The following SGO2 variants were observed in gnomAD, a reference collection of about 807,000 sequenced individuals.
SGO2 encodes the protein shugoshin 2.
SGO2 carries 68 observed loss-of-function variants against 99.5 expected under a neutral mutation model. That is an observed-to-expected ratio of 0.68 (90% CI 0.56 to 0.84). The LOEUF is 0.84. Ranked by LOEUF, SGO2 falls within the 40% of genes least tolerant of loss-of-function variation. The pLI is 0.00. For missense variants in SGO2, 1,350 were observed against 1,436.7 expected (o/e 0.94, Z 0.97); for synonymous variants, 457 against 487.1 (o/e 0.94, Z 0.81).
At chr2:200,560,732 A>G (rs1011042029) in intron 5 of SGO2, among the ~76,000 whole-genome samples, 8 of 152,290 alleles carry the variant, frequency 5.3e-5, no homozygotes, top group East Asian at 1.9e-4. Context: ...TTTTCTTACA[A>G]AAACCATTGA....
At chr2:200,565,354 G>A (rs2106337322) in intron 5 of SGO2, among the ~76,000 whole-genome samples, 1 of 152,302 alleles carries the variant, frequency 6.6e-6, no homozygotes, top group Admixed American at 6.5e-5. Context: ...ATTCTGGGTT[G>A]AAAATTCTTT....
intron 8 of SGO2, chr2:200,580,545 T>C (rs371287056): frequency 6.8e-5 from 29 of 423,762 alleles, no homozygotes; most frequent in African/African-American, 6.0e-4. Flanking sequence ...ATAACAGTGT[T>C]TTATGGACAG....
chr2:200,582,165 T>C (rs369469376), intron 8 of SGO2, among the ~76,000 whole-genome samples: 116 of 152,290 alleles, frequency 7.6e-4, no homozygotes, highest in African/African-American at 2.7e-3. Flanking sequence ...ATACCTTGAA[T>C]GCATTTCTTA....
intron 5 of SGO2, among the ~76,000 whole-genome samples, chr2:200,555,434 G>A (rs1396727225): frequency 6.6e-6 from 1 of 152,084 alleles, no homozygotes; most frequent in Non-Finnish European, 1.5e-5. Flanking sequence ...CCCAAATTAA[G>A]GGTCCCATTT....
Position 200,572,141 on chromosome 2 carries a change from A to G in SGO2, c.1795A>G (p.Ile599Val), listed in dbSNP as rs2033452057. 3 of 1,612,806 alleles carry G rather than the reference A, an allele frequency of 1.9e-6. No individual in the cohort carries two copies. Among genetic ancestry groups the G allele is most frequent in the East Asian group, 2.2e-5 (1 of 44,852 alleles). ...GGATTTGAAAAAGTATGTCACTGAT[A>G]TTCAACCCTCAGAGCAAAATGAATC... ...ILDLKKYVTD[I>V]QPSEQNESNI... The change falls in exon 7 of 9, where the codon ATT (isoleucine) becomes GTT (valine). Residue 599 changes from isoleucine to valine, a missense_variant. Ile to Val is a conservative substitution (Grantham distance 29). Transcript: ENST00000357799.
rs1229702628 is a variant in SGO2, at chr2:200,536,094, C to T, written c.339C>T (p.Leu113=). ...AGAAGCTTATAGACATAGAAGCTCT[C>T]ATGAACAATAACTTGATAACTGCAA... is the stretch of plus-strand genomic sequence containing the variant. The part of the protein sequence containing the change: ...LNKKLIDIEA[L]MNNNLITAIE... The change falls in exon 4 of 9, where the codon CTC becomes CTT. Residue 113 remains leucine, a synonymous_variant. Transcript: ENST00000357799. The T allele has an allele frequency of 3.1e-6, 5 of 1,593,530 alleles. No homozygotes were observed. Among genetic ancestry groups the T allele is most frequent in the Non-Finnish European group, 4.3e-6 (5 of 1,166,700 alleles).
rs1208062700 is a variant in SGO2 at position 200,573,925 on chromosome 2, G to T, written c.3579G>T (p.Lys1193Asn). 3 of 1,603,498 alleles carry T rather than the reference G, an allele frequency of 1.9e-6. No homozygotes were observed. Among genetic ancestry groups the T allele is most frequent in the Non-Finnish European group, 2.5e-6 (3 of 1,177,028 alleles). Reference protein sequence around the residue: ...AFQVSDDEHEKMNKMKFKVNR... With the variant: ...AFQVSDDEHENMNKMKFKVNR... ...AAGTAAGTGATGATGAGCATGAGAA[G>T]ATGAACAAGATGAAATTTAAAGTCA... is the stretch of plus-strand genomic sequence containing the variant. Residue 1193 changes from lysine (K) to asparagine (N), a missense_variant, in exon 7 of 9, where the codon AAG becomes AAT. Physicochemically the swap from Lys to Asn is moderately conservative, Grantham distance 94 (BLOSUM62 0). Coordinates refer to ENST00000357799, the MANE Select transcript of SGO2 (RefSeq NM_152524.6).
At position 200,571,053 on chromosome 2, in the gene SGO2, G is replaced by A; in HGVS notation, c.707G>A (p.Ser236Asn). The change falls in exon 7 of 9, where the codon AGC becomes AAC. Residue 236 changes from serine to asparagine, a missense_variant. By Grantham distance (46) the Ser-to-Asn change is conservative (BLOSUM62 1). Transcript: ENST00000357799. ...SSIVDVPPRE[S>N]HSHSDQSSKT... The stretch of plus-strand genomic sequence containing the variant: ...TTTGTTTTCCTTTTCTTAATAGAAA[G>A]CCATTCCCACTCAGACCAAAGTTCT... 2 of 1,545,114 alleles carry A rather than the reference G, an allele frequency of 1.3e-6. No homozygotes were observed. Among genetic ancestry groups the A allele is most frequent in the Non-Finnish European group, 1.7e-6 (2 of 1,148,282 alleles).
rs187422598 is a variant in SGO2, at chr2:200,570,418, G to T, written c.703+526G>T. Among the ~76,000 whole-genome samples, 3 of 151,626 alleles carry T rather than the reference G, an allele frequency of 2.0e-5. No homozygotes were observed. In the East Asian group the frequency reaches 5.8e-4, roughly 29 times the overall value. The stretch of plus-strand genomic sequence containing the variant: ...CAGATTTGCCATAGATTTTCAGACT[G>T]GGATATGGAACTATAACAATTTTGA... On this transcript the variant is annotated intron_variant, in intron 6 of 8. Coordinates refer to ENST00000357799, the MANE Select transcript of SGO2 (RefSeq NM_152524.6). The surrounding 1 kb of genome is among the most constrained non-coding windows in gnomAD (Gnocchi z 4.4).
rs71022323 is a variant in SGO2, at chr2:200,570,478, ATGTGTGTG to A, written c.704-547_704-540del. On this transcript the variant is annotated intron_variant, in intron 6 of 8. Coordinates refer to ENST00000357799, the MANE Select transcript of SGO2 (RefSeq NM_152524.6). The surrounding 1 kb of genome is among the most constrained non-coding windows in gnomAD (Gnocchi z 4.4). ...TTAGAATTGTTTTTCCTTTCTGAAA[ATGTGTGTG>A]TGTGTGTGTGTGTGTGTGTGTGTGG... is the stretch of plus-strand genomic sequence containing the variant. Among the ~76,000 whole-genome samples the A allele has an allele frequency of 1.5e-4, 22 of 142,760 alleles. No individual in the cohort carries two copies. Among genetic ancestry groups the A allele is most frequent in the South Asian group, 6.8e-4 (3 of 4,414 alleles). The allele number at this position is 142,760 out of a possible 152,430, so 93.7% of individuals were successfully genotyped here. A position where few individuals can be genotyped will look rare whatever the true frequency, so the allele number is the denominator to read the frequency against.
chr2:200,529,753 C>G (rs1363992806), intron 1 of SGO2, among the ~76,000 whole-genome samples: 1 of 152,132 alleles, frequency 6.6e-6, no homozygotes, highest in Non-Finnish European at 1.5e-5. Flanking sequence ...GTCTCGAACT[C>G]CTGACCTCAG....
At position 200,526,531 on chromosome 2, in the gene SGO2, G is replaced by A. The variant is rs887458216; in HGVS notation, c.-3+279G>A. Among the ~76,000 whole-genome samples, 2 of 152,302 alleles carry A rather than the reference G, an allele frequency of 1.3e-5. No individual in the cohort carries two copies. The highest frequency in any genetic ancestry group is 4.1e-4 in the South Asian group (2 of 4,820). On this transcript the variant is annotated intron_variant, in intron 1 of 8. Coordinates refer to ENST00000357799, the MANE Select transcript of SGO2 (RefSeq NM_152524.6). The surrounding 1 kb of genome is among the most constrained non-coding windows in gnomAD (Gnocchi z 4.8). ...CAGTTAGGTCAGCTACTTAAGGGAA[G>A]ATATTTCTGTCTCTGGGACTGCTCT... is the stretch of plus-strand genomic sequence containing the variant.
Position 200,572,561 on chromosome 2 carries a change from G to A in SGO2, c.2215G>A (p.Val739Ile), listed in dbSNP as rs1390970671. The change falls in exon 7 of 9, where the codon GTT becomes ATT. Residue 739 changes from valine to isoleucine, a missense_variant. Val to Ile is a conservative substitution (Grantham distance 29, BLOSUM62 3). Coordinates refer to ENST00000357799, the MANE Select transcript of SGO2 (RefSeq NM_152524.6). ...LDNDKSIEYT[V>I]KSHSLFLTQK... ...TAATGACAAAAGTATAGAATACACAGTTAAAAGTCACTCACTCTTTTTAAC... is the reference window on the plus strand; with the variant it reads ...TAATGACAAAAGTATAGAATACACAATTAAAAGTCACTCACTCTTTTTAAC... 1.9e-6 allele frequency: 3 copies of A among 1,612,364 alleles called. No individual in the cohort carries two copies. Among genetic ancestry groups the A allele is most frequent in the South Asian group, 2.2e-5 (2 of 90,960 alleles).
In SGO2 at chr2:200,573,191, A is replaced by G. The variant is rs375831952; in HGVS notation, c.2845A>G (p.Lys949Glu). ...TCTTGATTTTAAAGTAAATAAATCT[A>G]AACAAAAACTTGAATGCCAAGACAT... ...KDLDFKVNKSKQKLECQDIIN... is the reference protein window; with the variant it reads ...KDLDFKVNKSEQKLECQDIIN... The change falls in exon 7 of 9, where the codon AAA (lysine) becomes GAA (glutamate). Residue 949 changes from lysine to glutamate, a missense_variant. Physicochemically the swap from Lys to Glu is moderately conservative, Grantham distance 56 (BLOSUM62 1). Transcript: ENST00000357799. 1.3e-6 allele frequency: 2 copies of G among 1,578,638 alleles called. No individual in the cohort carries two copies. Among genetic ancestry groups the G allele is most frequent in the African/African-American group, 1.4e-5 (1 of 72,692 alleles).
At chr2:200,558,706 A>AT (rs1324534434) in intron 5 of SGO2, among the ~76,000 whole-genome samples, 2 of 134,676 alleles carry the variant, frequency 1.5e-5, no homozygotes, top group African/African-American at 5.6e-5. Flanking sequence ...TTTCTGTTTT[A>AT]TGGCAGCATT....
rs1276583622 is a variant in SGO2 at position 200,573,853 on chromosome 2, T to G, written c.3507T>G (p.Asn1169Lys). 6.2e-7 allele frequency: 1 copy of G among 1,613,248 alleles called. No individual in the cohort carries two copies. The highest frequency in any genetic ancestry group is 8.5e-7 in the Non-Finnish European group (1 of 1,179,472). ...CTTTGAGCGTTTCTTCTGGTAAAAATGTGATAATAAAAGAAAATTTTGCCT... is the reference window on the plus strand; with the variant it reads ...CTTTGAGCGTTTCTTCTGGTAAAAAGGTGATAATAAAAGAAAATTTTGCCT... ...LVPLSVSSGK[N>K]VIIKENFALE... The change falls in exon 7 of 9, where the codon AAT (asparagine) becomes AAG (lysine). Residue 1169 changes from asparagine to lysine, a missense_variant. Transcript: ENST00000357799.
At chr2:200,561,421 A>G (rs2032961080) in intron 5 of SGO2, among the ~76,000 whole-genome samples, 1 of 152,046 alleles carries the variant, frequency 6.6e-6, no homozygotes, top group Non-Finnish European at 1.5e-5. Flanking sequence ...ATATGTGCAC[A>G]TTTTCTTAAC....
At chr2:200,543,865 C>T (rs1401995071) in intron 5 of SGO2, among the ~76,000 whole-genome samples, 1 of 152,154 alleles carries the variant, frequency 6.6e-6, no homozygotes, top group Non-Finnish European at 1.5e-5. Context: ...TTTAAGTGAA[C>T]TTTTGTTTGA....
chr2:200,583,264 A>C (rs2033897921), intron 8 of SGO2, among the ~76,000 whole-genome samples, 185 bp from the exon 9 acceptor site: 1 of 152,206 alleles, frequency 6.6e-6, no homozygotes, highest in South Asian at 2.1e-4. Flanking sequence ...AATTATTTGA[A>C]GTACTCTGAT....
Sources: gnomAD v4.1 joint callset for allele counts (sites outside exome capture counted in the v4.1 genomes callset) on GRCh38, gnomAD v4.1.1 for gene constraint, Gnocchi (gnomAD v3.1) non-coding constraint, MANE v1.5 for transcripts, NCBI Gene and HGNC (gene_info 2026-07-23, HGNC 2026-07-21) for gene names.